The following TBC1D31 variants were observed in gnomAD, a reference collection of about 807,000 sequenced individuals.
TBC1D31 encodes WD repeat domain 67.
A neutral mutation model predicts 132.9 loss-of-function variants in TBC1D31; 99 were observed. The ratio of observed to expected loss-of-function variants is 0.74; its 90% CI spans 0.63 to 0.88. The LOEUF (loss-of-function observed/expected upper bound fraction) is 0.88, where lower values mean the gene tolerates loss of function less well. Ranked by LOEUF, TBC1D31 falls within the 40% of genes least tolerant of loss-of-function variation. The probability of loss-of-function intolerance (pLI) is 0.00; values close to 1 mark genes in which losing one functional copy is unlikely to be tolerated. For synonymous variants in TBC1D31, 385 were observed against 419.4 expected (o/e 0.92, Z 1.00); for missense variants, 1,134 against 1,256.6 (o/e 0.90, Z 1.48).
At chr8:123,087,284 C>A (rs1218679132) in intron 4 of TBC1D31, among the ~76,000 whole-genome samples, 1 of 152,050 alleles carries the variant, frequency 6.6e-6, no homozygotes, top group Non-Finnish European at 1.5e-5. Flanking sequence ...ATATTATTTT[C>A]AGGAGTATCT....
intron 16 of TBC1D31, among the ~76,000 whole-genome samples, chr8:123,131,554 A>G (rs888190289): frequency 6.6e-6 from 1 of 152,138 alleles, no homozygotes; most frequent in Admixed American, 6.5e-5. Context: ...TTATATGTGT[A>G]TCTATTTCTC....
At chr8:123,113,285 G>C (rs1818613936) in intron 10 of TBC1D31, among the ~76,000 whole-genome samples, 1 of 151,986 alleles carries the variant, frequency 6.6e-6, no homozygotes, top group Non-Finnish European at 1.5e-5. Context: ...TGCTTTTCTT[G>C]GGTACTTGTT....
intron 8 of TBC1D31, among the ~76,000 whole-genome samples, chr8:123,108,220 A>G (rs1294836127): frequency 6.6e-6 from 1 of 152,134 alleles, no homozygotes; most frequent in Non-Finnish European, 1.5e-5. Context: ...CAATTCACCA[A>G]ACTTCTCTGA....
At chr8:123,123,828 T>C (rs961596087) in intron 11 of TBC1D31, 1 of 152,298 alleles carries the variant, frequency 6.6e-6, no homozygotes, top group African/African-American at 2.4e-5. Flanking sequence ...TTTTGTATAG[T>C]TAACACCCTA....
the TBC1D31 span, among the ~76,000 whole-genome samples, chr8:123,163,392 T>C: frequency 1.7e-5 from 2 of 118,546 alleles, no homozygotes; most frequent in Non-Finnish European, 3.3e-5. Context: ...TGAGATAGAG[T>C]CTTGCTCTGT....
chr8:123,162,522 T>C, the TBC1D31 span, among the ~76,000 whole-genome samples: 1,322 of 152,146 alleles, frequency 8.7e-3, 15 homozygotes, highest in Non-Finnish European at 0.011. Context: ...GAGGGAGCCA[T>C]GTGGAGGCAC....
At chr8:123,155,508 G>GA (rs944732650), downstream of TBC1D31, among the ~76,000 whole-genome samples, 2 of 152,172 alleles carry the variant, frequency 1.3e-5, no homozygotes, top group African/African-American at 4.8e-5. The surrounding 1 kb of genome is among the most constrained non-coding windows in gnomAD (Gnocchi z 4.1). Context: ...CCCTAAGAAT[G>GA]AAATAGATAG....
chr8:123,083,382 C>T (rs1471593940), intron 3 of TBC1D31: 1 of 152,274 alleles, frequency 6.6e-6, no homozygotes, highest in Non-Finnish European at 1.5e-5. Context: ...CAGTATCTCA[C>T]ACTGATAAAC....
At chr8:123,161,647 T>C in the TBC1D31 span, among the ~76,000 whole-genome samples, 25 of 152,306 alleles carry the variant, frequency 1.6e-4, no homozygotes, top group African/African-American at 6.0e-4. Context: ...TATAAACAAT[T>C]GCAAAAGACG....
chr8:123,117,920 C>G (rs1163989908), intron 10 of TBC1D31, among the ~76,000 whole-genome samples: 1 of 152,076 alleles, frequency 6.6e-6, no homozygotes, highest in African/African-American at 2.4e-5. Flanking sequence ...AGTGTGCAAA[C>G]CTGTCTCAAA....
At chr8:123,080,170 G>A (rs1814985183) in intron 2 of TBC1D31, among the ~76,000 whole-genome samples, 1 of 152,188 alleles carries the variant, frequency 6.6e-6, no homozygotes, top group African/African-American at 2.4e-5. Context: ...CTTGTGTCAT[G>A]CATGTAACAC....
intron 1 of TBC1D31, 23 bp downstream of exon 1, chr8:123,072,869 G>A: frequency 6.4e-7 from 1 of 1,552,322 alleles, no homozygotes; most frequent in Non-Finnish European, 8.7e-7. Context: ...GCGGGAGGGC[G>A]CGGGCTGTGG....
At chr8:123,088,608 A>G (rs1170653872) in intron 4 of TBC1D31, among the ~76,000 whole-genome samples, 1 of 152,228 alleles carries the variant, frequency 6.6e-6, no homozygotes, top group East Asian at 1.9e-4. Flanking sequence ...TGTGCCCCTA[A>G]AAACGTTAAT....
rs1817333385 is a variant in TBC1D31 at position 123,100,863 on chromosome 8, T to A, written c.888T>A (p.Cys296Ter). 4.3e-6 allele frequency: 7 copies of A among 1,614,038 alleles called. No individual in the cohort carries two copies. The East Asian group carries it at 1.6e-4, about 36-fold the overall frequency. The part of the protein sequence containing the change: ...GIMRFINMQT[C>*]KLLFEIGSLD... ...TGAGATTTATCAATATGCAGACTTG[T>A]AAACTTCTCTTTGAGATTGGGAGCC... Residue 296 changes from cysteine (C) to a stop codon, truncating the protein, a stop_gained, in exon 7 of 22, where the codon TGT becomes TGA. Coordinates refer to ENST00000287380, the MANE Select transcript of TBC1D31 (RefSeq NM_145647.4). LOFTEE classifies it high-confidence loss of function.
intron 18 of TBC1D31, 92 bp downstream of exon 18, chr8:123,140,993 A>C: frequency 5.0e-6 from 6 of 1,195,824 alleles, no homozygotes; most frequent in Non-Finnish European, 7.2e-6. Context: ...AACTCTGTGA[A>C]GTTGAGTTAG....
chr8:123,158,123 C>T, the TBC1D31 span, among the ~76,000 whole-genome samples: 2 of 150,890 alleles, frequency 1.3e-5, no homozygotes, highest in African/African-American at 4.9e-5. Flanking sequence ...TTCCCTTTCA[C>T]TCCCCTCCCC....
chr8:123,132,197 G>A (rs1333715615), intron 16 of TBC1D31, among the ~76,000 whole-genome samples: 1 of 152,042 alleles, frequency 6.6e-6, no homozygotes, highest in Non-Finnish European at 1.5e-5. Flanking sequence ...ACTAGGCCTA[G>A]TTCTCACTCA....
At chr8:123,100,675 T>TACAC (rs1817309697) in intron 6 of TBC1D31, 132 bp from the exon 7 acceptor site, 2 of 520,468 alleles carry the variant, frequency 3.8e-6, no homozygotes, top group Admixed American at 6.3e-5. Flanking sequence ...TATATATTTA[T>TACAC]ACACACATAC....
intron 5 of TBC1D31, among the ~76,000 whole-genome samples, chr8:123,096,696 CAT>C (rs1208001287): frequency 4.6e-5 from 7 of 152,242 alleles, no homozygotes; most frequent in African/African-American, 1.7e-4. Flanking sequence ...ACACTTGAAA[CAT>C]AACCATAGTA....
Sources: allele counts gnomAD v4.1 joint callset (sites outside exome capture counted in the v4.1 genomes callset), GRCh38; gene constraint gnomAD v4.1.1; non-coding constraint Gnocchi (gnomAD v3.1); transcripts MANE v1.5; gene names NCBI Gene and HGNC (gene_info 2026-07-23, HGNC 2026-07-21).